Variants in GTF2A1 observed in about 807,000 individuals in gnomAD.
GTF2A1 encodes transcription initiation factor IIA subunit 1.
Under a neutral mutation model 54.1 loss-of-function variants are expected in GTF2A1, and 12 were observed. The ratio of observed to expected loss-of-function variants is 0.22; its 90% CI spans 0.14 to 0.36. The LOEUF is 0.36. Among genes scored for constraint, GTF2A1 ranks in the 10% least tolerant of loss-of-function variants. The pLI is 1.00. For missense variants in GTF2A1, 335 were observed against 442.2 expected, an observed-to-expected ratio of 0.76 and a Z score of 2.17; for synonymous variants, 145 against 152.0, an observed-to-expected ratio of 0.95 and a Z score of 0.34.
chr14:81,211,541 A>G (rs1184399782), intron 2 of GTF2A1, among the ~76,000 whole-genome samples: 1 of 152,116 alleles, frequency 6.6e-6, no homozygotes, highest in Non-Finnish European at 1.5e-5. Context: ...CTGCTCCCCA[A>G]GTTAATCCCC....
At chr14:81,203,763 G>C in intron 3 of GTF2A1, 137 bp downstream of exon 3, 1 of 673,620 alleles carries the variant, frequency 1.5e-6, no homozygotes, top group Non-Finnish European at 2.6e-6. Context: ...GAAATCAACA[G>C]AGGGGTTTTT....
rs182533889 is a variant in GTF2A1 at position 81,207,914 on chromosome 14, G to A, written c.133-3810C>T. Among the ~76,000 whole-genome samples the A allele has an allele frequency of 2.2e-3, 341 of 152,336 alleles. 2 individuals carry two copies. The highest frequency in any genetic ancestry group is 4.1e-3 in the Non-Finnish European group (277 of 68,028). Reference sequence around the variant, plus strand: ...TTCTAAGCAGAAAAGCATTCAAAAGGTGACTTGGGTGCTGTTAGAAGCATT... The same window carrying A: ...TTCTAAGCAGAAAAGCATTCAAAAGATGACTTGGGTGCTGTTAGAAGCATT... On this transcript the variant is annotated intron_variant, in intron 2 of 8. Transcript: ENST00000553612.
At chr14:81,195,632 GA>G (rs34366586) in intron 6 of GTF2A1, among the ~76,000 whole-genome samples, 11 of 118,530 alleles carry the variant, frequency 9.3e-5, no homozygotes, top group Admixed American at 9.3e-5. Context: ...ACTCTGTCTC[GA>G]AAAAAAAAAA....
rs1595215514 is a variant in GTF2A1, at chr14:81,195,118, T to C, written c.612+990A>G. Reference sequence around the variant, plus strand: ...TTGCGCCATTGCACTCCACCCTAGGTGACAGAGACTCTGTCTCAAAAAAAA... The same window carrying C: ...TTGCGCCATTGCACTCCACCCTAGGCGACAGAGACTCTGTCTCAAAAAAAA... On this transcript the variant is annotated intron_variant, in intron 6 of 8. Transcript: ENST00000553612. Among the ~76,000 whole-genome samples, 3 of 134,928 alleles carry C rather than the reference T, an allele frequency of 2.2e-5. No individual in the cohort carries two copies. The Admixed American group carries it at 2.4e-4, about 11-fold the overall frequency. 88.5% of individuals were successfully genotyped at this position (134,928 alleles called of 152,430 possible). A position where few individuals can be genotyped will look rare whatever the true frequency, so the allele number is the denominator to read the frequency against.
intron 7 of GTF2A1, among the ~76,000 whole-genome samples, chr14:81,187,752 C>T (rs544809523): frequency 6.6e-6 from 1 of 152,262 alleles, no homozygotes; most frequent in Admixed American, 6.5e-5. Flanking sequence ...TGGGTTTATA[C>T]CACTTGGATA....
intron 4 of GTF2A1, 28 bp downstream of exon 4, chr14:81,201,566 A>C: frequency 7.4e-7 from 1 of 1,360,326 alleles, no homozygotes; most frequent in Non-Finnish European, 1.1e-6. Flanking sequence ...AAGTACAGCC[A>C]ATCAAACTGC....
chr14:81,218,959 T>C (rs1893545763), intron 1 of GTF2A1, among the ~76,000 whole-genome samples: 1 of 151,954 alleles, frequency 6.6e-6, no homozygotes, highest in African/African-American at 2.4e-5. Flanking sequence ...TTAGGAGCTA[T>C]ATTTCTAACA....
chr14:81,211,808 G>T (rs1393308953), intron 2 of GTF2A1, among the ~76,000 whole-genome samples: 1 of 147,626 alleles, frequency 6.8e-6, no homozygotes, highest in African/African-American at 2.5e-5. Flanking sequence ...TAAATGAAAT[G>T]AAATAGTAGA....
At chr14:81,184,072 A>T (rs1020489806) in intron 8 of GTF2A1, among the ~76,000 whole-genome samples, 3 of 152,220 alleles carry the variant, frequency 2.0e-5, no homozygotes, top group Admixed American at 6.5e-5. Flanking sequence ...GCTATCTCCC[A>T]CTTACTAATT....
chr14:81,189,328 T>C (rs926308650), intron 7 of GTF2A1, among the ~76,000 whole-genome samples: 2 of 152,066 alleles, frequency 1.3e-5, no homozygotes, highest in African/African-American at 4.8e-5. Flanking sequence ...AGAAGAAATA[T>C]ATCAACTACC....
Position 81,175,725 on chromosome 14 carries a change from A to G in GTF2A1, c.*4498T>C, listed in dbSNP as rs1405821717. ...TGAACTAAGAGGAAGTGGTTTGACT[A>G]AACAGAGAAATAACAATGTTTTTAT... On this transcript the variant is annotated 3_prime_UTR_variant, in exon 9 of 9. Coordinates refer to ENST00000553612, the MANE Select transcript of GTF2A1 (RefSeq NM_015859.4). The G allele has an allele frequency of 6.6e-6, 1 of 152,194 alleles. No individual in the cohort carries two copies. The highest frequency in any genetic ancestry group is 2.1e-4 in the South Asian group (1 of 4,836). 9.4% of individuals were successfully genotyped at this position (152,194 alleles called of 1,614,324 possible). A position where few individuals can be genotyped will look rare whatever the true frequency, so the allele number is the denominator to read the frequency against.
chr14:81,208,823 G>C (rs1186857435), intron 2 of GTF2A1, among the ~76,000 whole-genome samples: 2 of 152,172 alleles, frequency 1.3e-5, no homozygotes, highest in Admixed American at 1.3e-4. Flanking sequence ...ACTGGATTTC[G>C]GACTTATATG....
At chr14:81,196,388 A>G in intron 5 of GTF2A1, 147 bp from the exon 6 acceptor site, 1 of 742,848 alleles carries the variant, frequency 1.3e-6, no homozygotes, top group Admixed American at 2.5e-5. Context: ...ATTCATACAC[A>G]GTATGCATAA....
intron 8 of GTF2A1, among the ~76,000 whole-genome samples, chr14:81,182,305 T>C (rs532014706): frequency 6.6e-6 from 1 of 152,328 alleles, no homozygotes; most frequent in Admixed American, 6.5e-5. Context: ...AAATGTAGCA[T>C]CTTAAGATTG....
chr14:81,220,348 G>T, intron 1 of GTF2A1, 141 bp downstream of exon 1: 1 of 302,144 alleles, frequency 3.3e-6, no homozygotes, highest in Non-Finnish European at 5.6e-6. Context: ...ATCCGCCCGA[G>T]GCGGGAAGCG....
At chr14:81,220,006 G>A (rs1296878804) in intron 1 of GTF2A1, among the ~76,000 whole-genome samples, 1 of 151,666 alleles carries the variant, frequency 6.6e-6, no homozygotes, top group Non-Finnish European at 1.5e-5. Flanking sequence ...AACCCCCAAA[G>A]TAACCATTAA....
chr14:81,203,939 C>A lies in GTF2A1; in HGVS notation c.298G>T (p.Ala100Ser), dbSNP rs552611415. The A allele has an allele frequency of 2.5e-6, 4 of 1,614,084 alleles. No homozygotes were observed. The Admixed American group carries it at 6.7e-5, about 27-fold the overall frequency. The change falls in exon 3 of 9, where the codon GCG becomes TCG. Residue 100 changes from alanine to serine, a missense_variant. Ala to Ser is a moderately conservative substitution (Grantham distance 99, BLOSUM62 1). Transcript: ENST00000553612. ...AQPQQTVPQQ[A>S]QTQQVLIPAS... The stretch of plus-strand genomic sequence containing the variant: ...GGAATAAGAACCTGCTGGGTCTGCG[C>A]TTGCTGAGGTACTGTCTGCTGAGGC...
At chr14:81,200,337 C>G (rs1178123098) in intron 4 of GTF2A1, among the ~76,000 whole-genome samples, 2 of 151,912 alleles carry the variant, frequency 1.3e-5, no homozygotes, top group African/African-American at 2.4e-5. Flanking sequence ...TAAAAAAAAA[C>G]TTGAGGCTGG....
chr14:81,187,987 T>C lies in GTF2A1; in HGVS notation c.934-2367A>G, dbSNP rs531356799. ...ATTTCTCCAAATCCTCACCAGCATTTATTTTCTCTTTCTTTTTTGAGTATA... is the reference window on the plus strand; with the variant it reads ...ATTTCTCCAAATCCTCACCAGCATTCATTTTCTCTTTCTTTTTTGAGTATA... On this transcript the variant is annotated intron_variant, in intron 7 of 8. Coordinates refer to ENST00000553612, the MANE Select transcript of GTF2A1 (RefSeq NM_015859.4). Among the ~76,000 whole-genome samples, 32 of 152,340 alleles carry C rather than the reference T, an allele frequency of 2.1e-4. No individual in the cohort carries two copies. The South Asian group carries it at 5.0e-3, about 24-fold the overall frequency.
Sources: allele counts gnomAD v4.1 joint callset (sites outside exome capture counted in the v4.1 genomes callset), GRCh38; gene constraint gnomAD v4.1.1; transcripts MANE v1.5; gene names NCBI Gene and HGNC (gene_info 2026-07-23, HGNC 2026-07-21).